Variants in MYRFL observed in about 807,000 individuals in gnomAD.
MYRFL encodes myelin regulatory factor-like protein.
MYRFL carries 88 observed loss-of-function variants against 109.4 expected under a neutral mutation model. The ratio of observed to expected loss-of-function variants is 0.80; its 90% CI spans 0.68 to 0.96. The LOEUF (loss-of-function observed/expected upper bound fraction) is 0.96, where lower values mean the gene tolerates loss of function less well. Among genes scored for constraint, MYRFL ranks in the 40% least tolerant of loss-of-function variants. MYRFL has a pLI of 0.00. For synonymous variants in MYRFL, 324 were observed against 320.9 expected (o/e 1.01, Z -0.10); for missense variants, 957 against 954.9 (o/e 1.00, Z -0.03).
chr12:69,936,197 C>T lies in MYRFL; in HGVS notation c.1991+10C>T, dbSNP rs1161601680. The T allele has an allele frequency of 5.5e-6, 8 of 1,452,732 alleles. No individual in the cohort carries two copies. The highest frequency in any genetic ancestry group is 7.3e-6 in the Non-Finnish European group (8 of 1,099,018). 90.0% of individuals were successfully genotyped at this position (1,452,732 alleles called of 1,614,324 possible). Reference sequence around the variant, plus strand: ...CAAATCTCCCTCCAAGGTGAGAGTTCAGTTCAATTTTCTGGCCTAAAATTC... The same window carrying T: ...CAAATCTCCCTCCAAGGTGAGAGTTTAGTTCAATTTTCTGGCCTAAAATTC... On this transcript the variant is annotated intron_variant, in intron 17 of 24. Transcript: ENST00000552032.
chr12:69,911,135 T>C (rs1954553398), intron 13 of MYRFL, among the ~76,000 whole-genome samples: 1 of 152,096 alleles, frequency 6.6e-6, no homozygotes, highest in Admixed American at 6.6e-5. Context: ...TTCCATATGA[T>C]AAAAAGGAAA....
intron 2 of MYRFL, among the ~76,000 whole-genome samples, chr12:69,878,374 G>A (rs182504372): frequency 5.5e-4 from 84 of 151,972 alleles, no homozygotes; most frequent in African/African-American, 1.8e-3. Flanking sequence ...ATCCCTTTGC[G>A]CCCAGATGGA....
intron 19 of MYRFL, among the ~76,000 whole-genome samples, chr12:69,951,708 G>A (rs1292664121): frequency 2.0e-5 from 3 of 152,034 alleles, no homozygotes; most frequent in South Asian, 2.1e-4. Flanking sequence ...GATTACAGGC[G>A]TGAGCCACCA....
rs771702764 is a variant in MYRFL, at chr12:69,909,980, T to C, written c.1395T>C (p.Asn465=). Residue 465 remains asparagine (N), a synonymous_variant, in exon 12 of 25, where the codon AAT becomes AAC. Coordinates refer to ENST00000552032, the MANE Select transcript of MYRFL (RefSeq NM_182530.3). ...AKQNIQEVDT[N]EQLKRIAQMR... is the part of the protein sequence containing the mutation. ...TTTAATTAAATTAGGTTGACACGAA[T>C]GAACAGCTGAAAAGAATAGCCCAAA... 2.6e-6 allele frequency: 4 copies of C among 1,526,646 alleles called. No individual in the cohort carries two copies. The highest frequency in any genetic ancestry group is 3.5e-6 in the Non-Finnish European group (4 of 1,144,348). 94.6% of individuals were successfully genotyped at this position (1,526,646 alleles called of 1,614,324 possible). A position where few individuals can be genotyped will look rare whatever the true frequency, so the allele number is the denominator to read the frequency against.
chr12:69,887,943 A>G (rs1886558521), intron 6 of MYRFL, among the ~76,000 whole-genome samples: 1 of 152,142 alleles, frequency 6.6e-6, no homozygotes, highest in Non-Finnish European at 1.5e-5. Flanking sequence ...CCTTCCTTAG[A>G]TTATCTTTTG....
chr12:69,835,638 C>CT (rs1425024083), intron 1 of MYRFL, among the ~76,000 whole-genome samples: 1 of 152,194 alleles, frequency 6.6e-6, no homozygotes, highest in Non-Finnish European at 1.5e-5. Context: ...CAATGATCCT[C>CT]TTTTTTTCTT....
Position 69,952,980 on chromosome 12 carries a change from T to C in MYRFL, c.2375+94T>C, listed in dbSNP as rs1484626719. 4 of 744,802 alleles carry C rather than the reference T, an allele frequency of 5.4e-6. No homozygotes were observed. In the African/African-American group the frequency reaches 5.4e-5, roughly 10 times the overall value. The allele number at this position is 744,802 out of a possible 1,614,324, so 46.1% of individuals were successfully genotyped here. A position where few individuals can be genotyped will look rare whatever the true frequency, so the allele number is the denominator to read the frequency against. On this transcript the variant is annotated intron_variant, in intron 21 of 24. Coordinates refer to ENST00000552032, the MANE Select transcript of MYRFL (RefSeq NM_182530.3). Reference sequence around the variant, plus strand: ...TGCAGTGGAAGCTAAAGCTACATGATAAAATCAATGTGTGCTTACATTGCT... The same window carrying C: ...TGCAGTGGAAGCTAAAGCTACATGACAAAATCAATGTGTGCTTACATTGCT...
chr12:69,935,312 CTCTT>C (rs1350871923), intron 16 of MYRFL, among the ~76,000 whole-genome samples: 1 of 151,938 alleles, frequency 6.6e-6, no homozygotes, highest in Non-Finnish European at 1.5e-5. Flanking sequence ...AGTCAGGTAA[CTCTT>C]TCAAGCCTAG....
At chr12:69,861,932 A>G (rs1204550860) in intron 2 of MYRFL, among the ~76,000 whole-genome samples, 45 of 150,228 alleles carry the variant, frequency 3.0e-4, no homozygotes, top group Non-Finnish European at 5.2e-4. Context: ...TGTATAAGGT[A>G]TAAGGAAGGG....
intron 8 of MYRFL, among the ~76,000 whole-genome samples, 164 bp from the exon 9 acceptor site, chr12:69,895,207 T>C (rs1320387950): frequency 6.6e-6 from 1 of 152,224 alleles, no homozygotes; most frequent in East Asian, 1.9e-4. Flanking sequence ...CTGACCATGC[T>C]GTGGATAGCA....
At chr12:69,936,711 A>G (rs1371922222) in intron 19 of MYRFL, 79 bp downstream of exon 19, 2 of 1,282,320 alleles carry the variant, frequency 1.6e-6, no homozygotes, top group African/African-American at 1.5e-5. Context: ...TTAGATGGTC[A>G]TTAATGGTTC....
At chr12:69,887,817 C>T (rs930221654) in intron 6 of MYRFL, among the ~76,000 whole-genome samples, 1 of 152,096 alleles carries the variant, frequency 6.6e-6, no homozygotes, top group Non-Finnish European at 1.5e-5. Context: ...GTTTAATAAG[C>T]TAAAGGAAGC....
At chr12:69,895,962 C>T (rs1953979572) in intron 9 of MYRFL, among the ~76,000 whole-genome samples, 1 of 152,132 alleles carries the variant, frequency 6.6e-6, no homozygotes, top group Non-Finnish European at 1.5e-5. Context: ...AGTTCTCGGG[C>T]CTTACTGAAG....
Position 69,955,407 on chromosome 12 carries a change from C to A in MYRFL, c.2420C>A (p.Pro807His). The change falls in exon 22 of 25, where the codon CCC becomes CAC. Residue 807 changes from proline (P) to histidine (H), a missense_variant. Pro to His is a moderately conservative substitution (Grantham distance 77, BLOSUM62 -2). Coordinates refer to ENST00000552032, the MANE Select transcript of MYRFL (RefSeq NM_182530.3). ...NYNIPVNKHT[P>H]TNVKFSLEIN... The stretch of plus-strand genomic sequence containing the variant: ...AATATTCCTGTTAATAAACACACAC[C>A]CACCAATGTCAAGTTCTCTCTGGAA... The A allele has an allele frequency of 3.1e-6, 2 of 654,812 alleles. No homozygotes were observed. The highest frequency in any genetic ancestry group is 1.7e-5 in the South Asian group (1 of 57,332). 40.6% of individuals were successfully genotyped at this position (654,812 alleles called of 1,614,324 possible).
intron 4 of MYRFL, 70 bp downstream of exon 4, chr12:69,879,523 C>G (rs1240286): frequency 0.95 from 621,373 of 650,864 alleles, 296,848 homozygotes; most frequent in Non-Finnish European, 0.97. Flanking sequence ...CTCTGGCAGG[C>G]ACCTAGAGAG....
rs1015225622 is a variant in MYRFL at position 69,879,503 on chromosome 12, A to G, written c.464+50A>G. The G allele has an allele frequency of 3.6e-5, 24 of 664,808 alleles. No homozygotes were observed. The African/African-American group carries it at 4.2e-4, about 12-fold the overall frequency. The allele number at this position is 664,808 out of a possible 1,614,324, so 41.2% of individuals were successfully genotyped here. On this transcript the variant is annotated intron_variant, in intron 4 of 24. Coordinates refer to ENST00000552032, the MANE Select transcript of MYRFL (RefSeq NM_182530.3). ...CAAAGACCTTTGCGGAAAGCCTCGG[A>G]GCAGCCTGCCTCTGGCAGGCACCTA...
intron 1 of MYRFL, among the ~76,000 whole-genome samples, chr12:69,830,899 TTTGGTG>T (rs1158260818): frequency 6.6e-6 from 1 of 152,108 alleles, no homozygotes; most frequent in African/African-American, 2.4e-5. Flanking sequence ...CCCCACCTTC[TTTGGTG>T]TTATTGTTAT....
intron 13 of MYRFL, among the ~76,000 whole-genome samples, chr12:69,920,094 G>A (rs925782511): frequency 6.6e-6 from 1 of 152,250 alleles, no homozygotes. Context: ...CGAGTCCAGG[G>A]ATTTCCTGAA....
At chr12:69,854,951 C>T (rs1046341108) in intron 1 of MYRFL, among the ~76,000 whole-genome samples, 4 of 152,082 alleles carry the variant, frequency 2.6e-5, no homozygotes, top group Non-Finnish European at 5.9e-5. Context: ...AGTAAGAAAC[C>T]AGTACATTTA....
Sources: allele counts gnomAD v4.1 joint callset (sites outside exome capture counted in the v4.1 genomes callset), GRCh38; gene constraint gnomAD v4.1.1; transcripts MANE v1.5; gene names NCBI Gene and HGNC (gene_info 2026-07-23, HGNC 2026-07-21).